Variants in ERBB4 observed in about 807,000 individuals in gnomAD.
ERBB4 encodes erb-b2 receptor tyrosine kinase 4, also known as receptor tyrosine-protein kinase erbB-4.
A neutral mutation model predicts 158.0 loss-of-function variants in ERBB4; 42 were observed. That is an observed-to-expected ratio of 0.27 (90% CI 0.21 to 0.34). ERBB4 has a LOEUF of 0.34. Ranked by LOEUF, ERBB4 falls within the 10% of genes least tolerant of loss-of-function variation. The pLI, the probability that ERBB4 is intolerant of heterozygous loss-of-function variation, is 1.00. For synonymous variants in ERBB4, 583 were observed against 558.7 expected (o/e 1.04, Z -0.61); for missense variants, 1,333 against 1,624.1 (o/e 0.82, Z 3.08).
chr2:212,524,127 A>G (rs1037286193), intron 1 of ERBB4, among the ~76,000 whole-genome samples: 1 of 152,008 alleles, frequency 6.6e-6, no homozygotes, highest in African/African-American at 2.4e-5. Flanking sequence ...TCTTCAAATT[A>G]AATAGTATGC....
At chr2:212,202,511 G>C (rs1236232759) in intron 1 of ERBB4, among the ~76,000 whole-genome samples, 1 of 151,854 alleles carries the variant, frequency 6.6e-6, no homozygotes, top group Non-Finnish European at 1.5e-5. Flanking sequence ...ACCATGTCTG[G>C]GTATTTTTTG....
chr2:211,682,658 A>T (rs2072399609), intron 12 of ERBB4, among the ~76,000 whole-genome samples: 1 of 152,214 alleles, frequency 6.6e-6, no homozygotes, highest in African/African-American at 2.4e-5. Context: ...TTGCATATTT[A>T]TAAGAAATAA....
chr2:212,050,640 T>A (rs1178962133), intron 2 of ERBB4, among the ~76,000 whole-genome samples: 2 of 152,192 alleles, frequency 1.3e-5, no homozygotes, highest in African/African-American at 2.4e-5. Context: ...TAGTCGGGAC[T>A]AATCCTGCCA....
chr2:211,825,309 C>G (rs1351113340), intron 3 of ERBB4, among the ~76,000 whole-genome samples: 3 of 151,922 alleles, frequency 2.0e-5, no homozygotes, highest in Non-Finnish European at 4.4e-5. Flanking sequence ...TGAGACTACA[C>G]ATTGAGAATA....
intron 4 of ERBB4, among the ~76,000 whole-genome samples, chr2:211,782,846 G>A (rs2076070078): frequency 6.6e-6 from 1 of 152,124 alleles, no homozygotes; most frequent in South Asian, 2.1e-4. Context: ...GGATTGACTT[G>A]GCGATACGGG....
intron 2 of ERBB4, among the ~76,000 whole-genome samples, chr2:212,116,700 T>G (rs941843253): frequency 2.0e-5 from 3 of 152,208 alleles, no homozygotes; most frequent in African/African-American, 7.2e-5. Flanking sequence ...CCTCCCAAAG[T>G]GCTGGGATTA....
chr2:212,174,937 T>G (rs1172383774), intron 1 of ERBB4, among the ~76,000 whole-genome samples: 1 of 152,088 alleles, frequency 6.6e-6, no homozygotes, highest in Non-Finnish European at 1.5e-5. Flanking sequence ...CCATTCTACC[T>G]AATTCATCCC....
intron 1 of ERBB4, among the ~76,000 whole-genome samples, chr2:212,243,798 C>T (rs550272332): frequency 5.9e-5 from 9 of 152,054 alleles, no homozygotes; most frequent in Middle Eastern, 3.4e-3. Context: ...GAGCCAGATT[C>T]CCCAATTCAA....
intron 14 of ERBB4, among the ~76,000 whole-genome samples, chr2:211,668,991 G>A (rs961868790): frequency 1.7e-4 from 26 of 151,978 alleles, no homozygotes; most frequent in African/African-American, 6.3e-4. Context: ...GGGAGGCCTA[G>A]GTGGGCAGAT....
In ERBB4 at chr2:211,571,032, ACTC is replaced by A. The variant is rs1341260791; in HGVS notation, c.2302-8947_2302-8945del. Among the ~76,000 whole-genome samples the A allele has an allele frequency of 1.6e-3, 197 of 122,330 alleles. 2 individuals are homozygous for A. The highest frequency in any genetic ancestry group is 6.3e-3 in the African/African-American group (181 of 28,646). The allele number at this position is 122,330 out of a possible 152,430, so 80.3% of individuals were successfully genotyped here. On this transcript the variant is annotated intron_variant, in intron 19 of 27. Coordinates refer to ENST00000342788, the MANE Select transcript of ERBB4 (RefSeq NM_005235.3). ...TGTCCTGATTTTTCACTCTCTGAGT[ACTC>A]TTCTTCTTTTTTTTTTTTTTTTTTT...
intron 20 of ERBB4, among the ~76,000 whole-genome samples, chr2:211,467,676 A>T (rs574731513): frequency 3.5e-4 from 53 of 152,322 alleles, no homozygotes; most frequent in African/African-American, 1.2e-3. Flanking sequence ...AAAGAAATTC[A>T]TTAGCATGCT....
At chr2:212,001,389 T>C (rs1271066626) in intron 2 of ERBB4, among the ~76,000 whole-genome samples, 1 of 152,128 alleles carries the variant, frequency 6.6e-6, no homozygotes, top group Non-Finnish European at 1.5e-5. Context: ...TTTTCTTCCT[T>C]TGAGTCTATT....
intron 20 of ERBB4, among the ~76,000 whole-genome samples, chr2:211,530,482 G>T (rs1490710730): frequency 6.6e-6 from 1 of 152,028 alleles, no homozygotes; most frequent in African/African-American, 2.4e-5. Flanking sequence ...ATTTTTCACA[G>T]AAATGGAAGA....
chr2:211,736,599 G>A (rs1275854439), intron 5 of ERBB4, among the ~76,000 whole-genome samples: 1 of 152,144 alleles, frequency 6.6e-6, no homozygotes, highest in Non-Finnish European at 1.5e-5. Context: ...GGAATTTAGA[G>A]CCACTGGTGA....
intron 19 of ERBB4, among the ~76,000 whole-genome samples, chr2:211,615,244 G>C (rs983679915): frequency 1.3e-5 from 2 of 151,864 alleles, no homozygotes; most frequent in Admixed American, 1.3e-4. Context: ...TAGTCTGTCT[G>C]ATTTCATGAG....
intron 5 of ERBB4, among the ~76,000 whole-genome samples, chr2:211,738,841 A>G (rs2074696786): frequency 6.8e-6 from 1 of 147,564 alleles, no homozygotes; most frequent in African/African-American, 2.5e-5. Flanking sequence ...TATTTTTTGC[A>G]TTTTTAGTAG....
chr2:212,062,809 A>G (rs1440425061), intron 2 of ERBB4, among the ~76,000 whole-genome samples: 1 of 152,112 alleles, frequency 6.6e-6, no homozygotes, highest in African/African-American at 2.4e-5. Flanking sequence ...GACATAATGA[A>G]CACATTTTAA....
At chr2:211,767,715 C>T (rs1271751635) in intron 4 of ERBB4, among the ~76,000 whole-genome samples, 2 of 152,134 alleles carry the variant, frequency 1.3e-5, no homozygotes, top group South Asian at 2.1e-4. Flanking sequence ...CTCACTATCA[C>T]CACAGCAGCA....
At chr2:212,162,211 A>G (rs1371206680) in intron 1 of ERBB4, among the ~76,000 whole-genome samples, 2 of 151,882 alleles carry the variant, frequency 1.3e-5, no homozygotes, top group African/African-American at 2.4e-5. Flanking sequence ...ATTATAATAT[A>G]TTCATGCAAT....
Sources: gnomAD v4.1 joint callset for allele counts (sites outside exome capture counted in the v4.1 genomes callset) on GRCh38, gnomAD v4.1.1 for gene constraint, MANE v1.5 for transcripts, NCBI Gene and HGNC (gene_info 2026-07-23, HGNC 2026-07-21) for gene names.